Variants in WDR19 observed in about 807,000 individuals in gnomAD.
The protein encoded by WDR19 is WD repeat-containing protein 19.
Under a neutral mutation model 180.0 loss-of-function variants are expected in WDR19, and 121 were observed. The ratio of observed to expected loss-of-function variants is 0.67; its 90% confidence interval spans 0.58 to 0.78. The LOEUF (loss-of-function observed/expected upper bound fraction) is 0.78, where lower values mean the gene tolerates loss of function less well. Among genes scored for constraint, WDR19 ranks in the 30% least tolerant of loss-of-function variants. The probability of loss-of-function intolerance (pLI) is 0.00; values close to 1 mark genes in which losing one functional copy is unlikely to be tolerated. For missense variants in WDR19, 1,450 were observed against 1,640.7 expected (o/e 0.88, Z 2.01); for synonymous variants, 497 against 540.7 (o/e 0.92, Z 1.12).
intron 17 of WDR19, among the ~76,000 whole-genome samples, chr4:39,230,957 C>T (rs1171901000): frequency 3.3e-5 from 5 of 152,162 alleles, no homozygotes; most frequent in Admixed American, 3.3e-4. Flanking sequence ...GCCATAGGGT[C>T]TCTATCGCAG....
intron 6 of WDR19, among the ~76,000 whole-genome samples, chr4:39,202,009 A>G (rs1465073661): frequency 6.6e-6 from 1 of 152,102 alleles, no homozygotes; most frequent in African/African-American, 2.4e-5. Context: ...ATTTATTTTT[A>G]TTTATCCTGC....
intron 28 of WDR19, among the ~76,000 whole-genome samples, chr4:39,260,051 T>TTC (rs1041968163): frequency 8.6e-5 from 13 of 150,788 alleles, no homozygotes; most frequent in South Asian, 2.1e-4. Context: ...TATTCTCTCC[T>TTC]TCTCTCTCTC....
rs1726521675 is a variant in WDR19 at position 39,194,608 on chromosome 4, G to T, written c.355G>T (p.Gly119Ter). 2 of 1,613,416 alleles carry T rather than the reference G, an allele frequency of 1.2e-6. No individual in the cohort carries two copies. Among genetic ancestry groups the T allele is most frequent in the Non-Finnish European group, 8.5e-7 (1 of 1,179,606 alleles). The change falls in exon 5 of 37, where the codon GGA becomes TGA. Residue 119 changes from glycine to a stop codon, truncating the protein, a stop_gained. Transcript: ENST00000399820. LOFTEE classifies it high-confidence loss of function. ...GSFLAVGTVKGNLLIYNHQTS... is the reference protein window; with the variant it reads ...GSFLAVGTVK ...TTTCCTGGCTGTTGGAACTGTTAAA[G>T]GAAATTTGCTTATTTATAATCATCA...
In WDR19 at chr4:39,253,223, A is replaced by G. The variant is rs748675700; in HGVS notation, c.2807A>G (p.Asn936Ser). 4 of 1,613,552 alleles carry G rather than the reference A, an allele frequency of 2.5e-6. No individual in the cohort carries two copies. Among genetic ancestry groups the G allele is most frequent in the Non-Finnish European group, 3.4e-6 (4 of 1,179,766 alleles). ...ATCCGCATCTATCTGGATCACCTCA[A>G]TAATCCTGAAAAAGCTGTCAATATT... ...SVIRIYLDHL[N>S]NPEKAVNIVR... The change falls in exon 25 of 37, where the codon AAT (asparagine) becomes AGT (serine). Residue 936 changes from asparagine (N) to serine (S), a missense_variant. By Grantham distance (46) the Asn-to-Ser change is conservative. Coordinates refer to ENST00000399820, the MANE Select transcript of WDR19 (RefSeq NM_025132.4).
At chr4:39,205,469 A>C (rs530337523) in intron 8 of WDR19, 94 bp from the exon 9 acceptor site, 1 of 1,387,410 alleles carries the variant, frequency 7.2e-7, no homozygotes, top group Middle Eastern at 1.8e-4. Flanking sequence ...ATTATATTCT[A>C]TAATTCCTTA....
intron 14 of WDR19, among the ~76,000 whole-genome samples, chr4:39,221,511 A>G (rs892145744): frequency 6.6e-6 from 1 of 152,196 alleles, no homozygotes; most frequent in African/African-American, 2.4e-5. Flanking sequence ...AAAATGCACT[A>G]TTAAAGTTAT....
At chr4:39,230,780 T>C (rs1239624191) in intron 17 of WDR19, among the ~76,000 whole-genome samples, 1 of 152,138 alleles carries the variant, frequency 6.6e-6, no homozygotes, top group African/African-American at 2.4e-5. Context: ...AAAAAATGGA[T>C]AGGTGAATAG....
Position 39,228,215 on chromosome 4 carries a change from T to C in WDR19, c.1635T>C (p.Asn545=), listed in dbSNP as rs1730474281. Residue 545 remains asparagine (N), a synonymous_variant, in exon 16 of 37, where the codon AAT becomes AAC. Coordinates refer to ENST00000399820, the MANE Select transcript of WDR19 (RefSeq NM_025132.4). ...CTGTAAATTTTATTTTGTAGGTCAATGACGCTACCTATGAGATTCCAGATT... is the reference window on the plus strand; with the variant it reads ...CTGTAAATTTTATTTTGTAGGTCAACGACGCTACCTATGAGATTCCAGATT... ...KSDGFVYCPV[N]DATYEIPDFS... is the part of the protein sequence containing the mutation. 6.2e-7 allele frequency: 1 copy of C among 1,612,364 alleles called. No homozygotes were observed. Among genetic ancestry groups the C allele is most frequent in the Non-Finnish European group, 8.5e-7 (1 of 1,179,500 alleles).
intron 1 of WDR19, 46 bp downstream of exon 1, chr4:39,182,609 A>G (rs1328412110): frequency 1.9e-6 from 3 of 1,613,040 alleles, no homozygotes; most frequent in African/African-American, 1.3e-5. Context: ...AAACGCGACT[A>G]CTGGCCCTTG....
intron 14 of WDR19, among the ~76,000 whole-genome samples, chr4:39,220,179 C>T (rs1272702421): frequency 6.6e-6 from 1 of 152,066 alleles, no homozygotes; most frequent in Non-Finnish European, 1.5e-5. Context: ...GAGATCACGC[C>T]ACTACACTCC....
chr4:39,205,525 TCTC>T (rs1033561264), intron 8 of WDR19, 35 bp from the exon 9 acceptor site: 23 of 1,585,646 alleles, frequency 1.5e-5, no homozygotes, highest in East Asian at 1.1e-4. Flanking sequence ...TGATAGCTAA[TCTC>T]CTTGTTTACC....
At chr4:39,219,893 T>C (rs947385050) in intron 14 of WDR19, among the ~76,000 whole-genome samples, 1 of 152,140 alleles carries the variant, frequency 6.6e-6, no homozygotes, top group Non-Finnish European at 1.5e-5. Flanking sequence ...TGTAAAAGAA[T>C]TAAGTTGTTA....
At position 39,232,150 on chromosome 4, in the gene WDR19, T is replaced by C; in HGVS notation, c.2143-12T>C. 6.2e-7 allele frequency: 1 copy of C among 1,606,238 alleles called. No individual in the cohort carries two copies. The highest frequency in any genetic ancestry group is 8.5e-7 in the Non-Finnish European group (1 of 1,176,348). On this transcript the variant is annotated splice_polypyrimidine_tract_variant and intron_variant, in intron 18 of 36. Transcript: ENST00000399820. ...GCATTTTTTTTCTCATCAGAATTGCTTTTATTTGTAGGGAATAGAGGACTA... is the reference window on the plus strand; with the variant it reads ...GCATTTTTTTTCTCATCAGAATTGCCTTTATTTGTAGGGAATAGAGGACTA...
intron 9 of WDR19, among the ~76,000 whole-genome samples, chr4:39,213,680 T>C (rs1263211146): frequency 6.6e-6 from 1 of 152,176 alleles, no homozygotes; most frequent in Non-Finnish European, 1.5e-5. Flanking sequence ...GTCTCATGAA[T>C]CTCATGTGTG....
intron 17 of WDR19, among the ~76,000 whole-genome samples, chr4:39,231,315 CAAAAAAAAAAAA>C (rs56002679): frequency 1.1e-5 from 1 of 87,282 alleles, no homozygotes; most frequent in Non-Finnish European, 2.4e-5. Context: ...ACTCCGTCTT[CAAAAAAAAAAAA>C]AAAAAAAAAA....
chr4:39,249,529 C>A (rs977041843), intron 24 of WDR19, among the ~76,000 whole-genome samples: 2 of 152,092 alleles, frequency 1.3e-5, no homozygotes, highest in African/African-American at 2.4e-5. Flanking sequence ...ACACAAAAAA[C>A]CCTTCAAAAA....
chr4:39,266,280 G>A (rs1734786310), intron 29 of WDR19, 140 bp downstream of exon 29: 1 of 587,328 alleles, frequency 1.7e-6, no homozygotes, highest in South Asian at 4.0e-5. Context: ...TAGACCAGGA[G>A]CGTCCAATCT....
At position 39,270,067 on chromosome 4, in the gene WDR19, C is replaced by A; in HGVS notation, c.3450C>A (p.Asn1150Lys). Residue 1150 changes from asparagine (N) to lysine (K), a missense_variant, in exon 31 of 37, where the codon AAC (asparagine) becomes AAA (lysine). By Grantham distance (94) the Asn-to-Lys change is moderately conservative. Transcript: ENST00000399820. ...KIKIPSEMAT[N>K]LMILHSYILV... ...AAATTCCCTCCGAGATGGCCACCAA[C>A]CTCATGATTCTGCACAGCTATATAC... is the stretch of plus-strand genomic sequence containing the variant. 6.2e-7 allele frequency: 1 copy of A among 1,613,896 alleles called. No individual in the cohort carries two copies. Among genetic ancestry groups the A allele is most frequent in the Non-Finnish European group, 8.5e-7 (1 of 1,179,866 alleles).
intron 28 of WDR19, among the ~76,000 whole-genome samples, chr4:39,258,143 C>T (rs1733940113): frequency 6.7e-6 from 1 of 149,080 alleles, no homozygotes; most frequent in South Asian, 2.2e-4. Context: ...TGTTATTGCA[C>T]ATAGCAGTAA....
Sources: gnomAD v4.1 joint callset for allele counts (sites outside exome capture counted in the v4.1 genomes callset) on GRCh38, gnomAD v4.1.1 for gene constraint, MANE v1.5 for transcripts, NCBI Gene and HGNC (gene_info 2026-07-23, HGNC 2026-07-21) for gene names.